FSD2: variants seen among roughly 807,000 people sequenced by gnomAD.
FSD2 encodes fibronectin type III and SPRY domain containing 2.
In FSD2, 71 loss-of-function variants were observed where a neutral mutation model predicts 80.4. That is an observed-to-expected ratio of 0.88 (90% confidence interval 0.73 to 1.08). The LOEUF (loss-of-function observed/expected upper bound fraction) is 1.08. Ranked by LOEUF, FSD2 falls within the 50% of genes least tolerant of loss-of-function variation. The probability of loss-of-function intolerance (pLI) is 0.00; values close to 1 mark genes in which losing one functional copy is unlikely to be tolerated. For synonymous variants in FSD2, 361 were observed against 329.5 expected (o/e 1.10, Z -1.03); for missense variants, 923 against 913.8 (o/e 1.01, Z -0.13).
At chr15:82,773,012 A>T (rs1026743971) in intron 6 of FSD2, among the ~76,000 whole-genome samples, 13 of 152,064 alleles carry the variant, frequency 8.5e-5, no homozygotes, top group Non-Finnish European at 2.9e-5. Context: ...ACGCCCAGCT[A>T]GTTTTTGTAT....
chr15:82,761,841 CA>C (rs1317778579), intron 12 of FSD2, among the ~76,000 whole-genome samples: 1 of 151,886 alleles, frequency 6.6e-6, no homozygotes, highest in African/African-American at 2.4e-5. Flanking sequence ...TGAGATAACA[CA>C]ATTGTGAGAA....
At chr15:82,805,884 A>G (rs2050514467) in intron 1 of FSD2, 82 bp downstream of exon 1, 1 of 152,250 alleles carries the variant, frequency 6.6e-6, no homozygotes, top group South Asian at 2.1e-4. Flanking sequence ...CACCTACAGG[A>G]AAGATATTGC....
chr15:82,801,334 C>T (rs2050407946), intron 1 of FSD2, among the ~76,000 whole-genome samples: 1 of 152,210 alleles, frequency 6.6e-6, no homozygotes, highest in South Asian at 2.1e-4. Flanking sequence ...ATCGTGGCTA[C>T]ACCCTGCCTT....
intron 10 of FSD2, among the ~76,000 whole-genome samples, chr15:82,765,551 C>T (rs945978570): frequency 1.2e-4 from 18 of 152,102 alleles, no homozygotes; most frequent in Non-Finnish European, 2.9e-5. Context: ...GAAACAGAGG[C>T]ACAAGGTGGT....
chr15:82,755,912 A>T lies in FSD2; in HGVS notation c.*3436T>A, dbSNP rs1370660207. 4.0e-6 allele frequency: 2 copies of T among 494,076 alleles called. No homozygotes were observed. Among genetic ancestry groups the T allele is most frequent in the East Asian group, 1.1e-4 (2 of 17,982 alleles). The allele number at this position is 494,076 out of a possible 1,614,324, so 30.6% of individuals were successfully genotyped here. On this transcript the variant is annotated 3_prime_UTR_variant, in exon 13 of 13. Transcript: ENST00000334574. ...TGAGTATCTTGACTTGTTAAAGGAC[A>T]GTGTTTTAAAAGCTGGATTTGGTTA...
chr15:82,797,670 C>T (rs1213189511), intron 1 of FSD2, among the ~76,000 whole-genome samples: 2 of 151,964 alleles, frequency 1.3e-5, no homozygotes, highest in African/African-American at 2.4e-5. Context: ...ATTAGCCGGG[C>T]GTGGTGGCGG....
Position 82,796,000 on chromosome 15 carries a change from CTTT to C in FSD2, c.-78-8535_-78-8533del, listed in dbSNP as rs143711664. 7.7e-3 allele frequency among the ~76,000 whole-genome samples: 910 copies of C among 117,490 alleles called. 8 individuals are homozygous for C. Among genetic ancestry groups the C allele is most frequent in the African/African-American group, 0.026 (797 of 30,440 alleles). 77.1% of individuals were successfully genotyped at this position (117,490 alleles called of 152,430 possible). On this transcript the variant is annotated intron_variant, in intron 1 of 12. Transcript: ENST00000334574. The stretch of plus-strand genomic sequence containing the variant: ...TTTGATTTCCTTTTCTTTTTCTTTT[CTTT>C]TTTTTTTTTTTTTTTTGAGATGGAG...
At chr15:82,788,191 C>T (rs1483778717) in intron 1 of FSD2, among the ~76,000 whole-genome samples, 8 of 152,074 alleles carry the variant, frequency 5.3e-5, no homozygotes, top group African/African-American at 1.9e-4. Context: ...TTGAAAAAAA[C>T]TGTACTTAAA....
intron 12 of FSD2, among the ~76,000 whole-genome samples, chr15:82,761,606 C>T (rs572890042): frequency 6.6e-6 from 1 of 151,722 alleles, no homozygotes; most frequent in African/African-American, 2.4e-5. Context: ...AAATCCATGT[C>T]GTTTGGATTA....
chr15:82,794,085 G>A (rs952541219), intron 1 of FSD2, among the ~76,000 whole-genome samples: 1 of 151,592 alleles, frequency 6.6e-6, no homozygotes, highest in South Asian at 2.1e-4. Context: ...GTATTGATTT[G>A]AGATCTTTCT....
intron 7 of FSD2, among the ~76,000 whole-genome samples, chr15:82,771,113 T>C (rs891830394): frequency 6.6e-6 from 1 of 152,128 alleles, no homozygotes; most frequent in African/African-American, 2.4e-5. Flanking sequence ...TCCCCTTCTT[T>C]CCTGGGCAGA....
chr15:82,785,040 G>A (rs2049962237), intron 3 of FSD2, among the ~76,000 whole-genome samples: 1 of 152,176 alleles, frequency 6.6e-6, no homozygotes, highest in African/African-American at 2.4e-5. Flanking sequence ...TGTCAAGGCT[G>A]AACCGTGAAA....
chr15:82,785,954 G>A (rs2049985997), intron 3 of FSD2, among the ~76,000 whole-genome samples: 1 of 152,082 alleles, frequency 6.6e-6, no homozygotes, highest in African/African-American at 2.4e-5. Flanking sequence ...CAAAAGAAAG[G>A]ATGTCCCCTC....
At position 82,786,414 on chromosome 15, in the gene FSD2, G is replaced by T. The variant is rs537973679; in HGVS notation, c.735+97C>A. The T allele has an allele frequency of 6.4e-6, 6 of 944,396 alleles. No individual in the cohort carries two copies. In the African/African-American group the frequency reaches 9.8e-5, roughly 15 times the overall value. 58.5% of individuals were successfully genotyped at this position (944,396 alleles called of 1,614,324 possible). On this transcript the variant is annotated intron_variant, in intron 3 of 12. Transcript: ENST00000334574. Reference sequence around the variant, plus strand: ...GGAGTGGTGACCCCTCACATTCTAAGAAAACAGATTCTCTAGCTCATACCA... The same window carrying T: ...GGAGTGGTGACCCCTCACATTCTAATAAAACAGATTCTCTAGCTCATACCA...
At position 82,759,529 on chromosome 15, in the gene FSD2, C is replaced by T. The variant is rs2049240411; in HGVS notation, c.2069G>A (p.Gly690Asp). 2 of 1,609,508 alleles carry T rather than the reference C, an allele frequency of 1.2e-6. No individual in the cohort carries two copies. Among genetic ancestry groups the T allele is most frequent in the Admixed American group, 1.7e-5 (1 of 59,338 alleles). ...TGAATGTTCATAGTCTAATAGAATG[C>T]CAATCTTCTTTGGTGGAACTGTTAT... The part of the protein sequence containing the change: ...IRITVPPKKI[G>D]ILLDYEHSKL... Residue 690 changes from glycine to aspartate, a missense_variant, in exon 13 of 13, where the codon GGC becomes GAC. By Grantham distance (94) the Gly-to-Asp change is moderately conservative. Coordinates refer to ENST00000334574, the MANE Select transcript of FSD2 (RefSeq NM_001007122.4).
chr15:82,760,041 G>T (rs898159184), intron 12 of FSD2, among the ~76,000 whole-genome samples: 3 of 152,154 alleles, frequency 2.0e-5, no homozygotes, highest in Non-Finnish European at 4.4e-5. Context: ...CAGTCCACTT[G>T]CCTTGGCCTC....
At chr15:82,780,923 C>A (rs1338162778) in intron 4 of FSD2, among the ~76,000 whole-genome samples, 1 of 152,116 alleles carries the variant, frequency 6.6e-6, no homozygotes, top group Non-Finnish European at 1.5e-5. Context: ...GTGGTCCTAG[C>A]TCCTTGGGAG....
At chr15:82,783,305 G>A (rs1017550517) in intron 3 of FSD2, among the ~76,000 whole-genome samples, 1 of 152,104 alleles carries the variant, frequency 6.6e-6, no homozygotes, top group Non-Finnish European at 1.5e-5. Flanking sequence ...CATCATATTG[G>A]CCAGGTTGGT....
At chr15:82,788,058 G>A (rs1025233325) in intron 1 of FSD2, among the ~76,000 whole-genome samples, 3 of 151,956 alleles carry the variant, frequency 2.0e-5, no homozygotes, top group East Asian at 1.9e-4. Flanking sequence ...GAACCACTGC[G>A]CCCAGTCTAT....
Sources: gnomAD v4.1 joint callset for allele counts (sites outside exome capture counted in the v4.1 genomes callset) on GRCh38, gnomAD v4.1.1 for gene constraint, MANE v1.5 for transcripts, NCBI Gene and HGNC (gene_info 2026-07-23, HGNC 2026-07-21) for gene names.